The following SLC20A1 variants were observed in gnomAD, a reference collection of about 807,000 sequenced individuals.
SLC20A1 encodes the protein sodium-dependent phosphate transporter 1.
In SLC20A1, 28 loss-of-function variants were observed where a neutral mutation model predicts 62.7. The observed-to-expected ratio is 0.45, with a 90% confidence interval of 0.33 to 0.61. SLC20A1 has a LOEUF of 0.61. Among genes scored for constraint, SLC20A1 ranks in the 20% least tolerant of loss-of-function variants. SLC20A1 has a pLI of 0.02. For synonymous variants in SLC20A1, 305 were observed against 302.9 expected, an observed-to-expected ratio of 1.01 and a Z score of -0.07; for missense variants, 673 against 838.6, an observed-to-expected ratio of 0.80 and a Z score of 2.44.
At position 112,663,103 on chromosome 2, in the gene SLC20A1, T is replaced by C; in HGVS notation, c.*78T>C. On this transcript the variant is annotated 3_prime_UTR_variant, in exon 11 of 11. Coordinates refer to ENST00000272542, the MANE Select transcript of SLC20A1 (RefSeq NM_005415.5). ...CTGCTCCCCTGAAGAATGATTACAG[T>C]GTTAACAGAAGACTGACAAGAGTCT... The C allele has an allele frequency of 6.6e-7, 1 of 1,504,260 alleles. No homozygotes were observed. Among genetic ancestry groups the C allele is most frequent in the South Asian group, 1.1e-5 (1 of 88,164 alleles). 93.2% of individuals were successfully genotyped at this position (1,504,260 alleles called of 1,614,324 possible).
chr2:112,646,893 T>A lies in SLC20A1; in HGVS notation c.65T>A (p.Leu22Gln). ...GCTTCTGGTCCTTTGGTGGACTACC[T>A]ATGGATGCTCATCCTGGGCTTCATT... Reference protein sequence around the residue: ...TAASGPLVDYLWMLILGFIIA... With the variant: ...TAASGPLVDYQWMLILGFIIA... Residue 22 changes from leucine to glutamine, a missense_variant, in exon 2 of 11, where the codon CTA becomes CAA. By Grantham distance (113) the Leu-to-Gln change is moderately radical. Coordinates refer to ENST00000272542, the MANE Select transcript of SLC20A1 (RefSeq NM_005415.5). The A allele has an allele frequency of 6.2e-7, 1 of 1,613,852 alleles. No homozygotes were observed. The highest frequency in any genetic ancestry group is 1.7e-5 in the Admixed American group (1 of 60,008).
chr2:112,650,349 T>TC (rs1329625315), intron 4 of SLC20A1, among the ~76,000 whole-genome samples: 1 of 151,520 alleles, frequency 6.6e-6, no homozygotes, highest in African/African-American at 2.4e-5. Context: ...TTTTTTTTTT[T>TC]TGAGACGGAG....
At chr2:112,655,882 G>T (rs1038543245) in intron 5 of SLC20A1, among the ~76,000 whole-genome samples, 1 of 151,862 alleles carries the variant, frequency 6.6e-6, no homozygotes, top group South Asian at 2.1e-4. Context: ...TTAATTTTCA[G>T]TGGAGACGGG....
Position 112,647,699 on chromosome 2 carries a change from A to G in SLC20A1, c.522A>G (p.Gly174=), listed in dbSNP as rs1282046227. The G allele has an allele frequency of 1.2e-6, 2 of 1,614,016 alleles. No individual in the cohort carries two copies. The highest frequency in any genetic ancestry group is 2.2e-5 in the South Asian group (2 of 91,082). ...VSPLLSGIMS[G]ILFFLVRAFI... ...CACTGCTTTCTGGAATTATGTCTGGAATTTTATTCTTCCTGGTTCGTGCAT... is the reference window on the plus strand; with the variant it reads ...CACTGCTTTCTGGAATTATGTCTGGGATTTTATTCTTCCTGGTTCGTGCAT... The change falls in exon 4 of 11, where the codon GGA becomes GGG. Residue 174 remains glycine (G), a synonymous_variant. Coordinates refer to ENST00000272542, the MANE Select transcript of SLC20A1 (RefSeq NM_005415.5).
rs1686261094 is a variant in SLC20A1 at position 112,646,024 on chromosome 2, T to A, written c.-372T>A. On this transcript the variant is annotated 5_prime_UTR_variant, in exon 1 of 11. Coordinates refer to ENST00000272542, the MANE Select transcript of SLC20A1 (RefSeq NM_005415.5). Reference sequence around the variant, plus strand: ...GGCTGCTTCCTGGGAAGGTCGTGAGTCCCGCTGAGCTGTCCCCGGTGCCGC... The same window carrying A: ...GGCTGCTTCCTGGGAAGGTCGTGAGACCCGCTGAGCTGTCCCCGGTGCCGC... 1 of 150,952 alleles carries A rather than the reference T, an allele frequency of 6.6e-6. No homozygotes were observed. The highest frequency in any genetic ancestry group is 1.5e-5 in the Non-Finnish European group (1 of 68,082). The allele number at this position is 150,952 out of a possible 1,614,324, so 9.4% of individuals were successfully genotyped here.
chr2:112,658,098 T>C lies in SLC20A1; in HGVS notation c.779-727T>C, dbSNP rs556470540. Among the ~76,000 whole-genome samples, 12 of 152,276 alleles carry C rather than the reference T, an allele frequency of 7.9e-5. No individual in the cohort carries two copies. In the East Asian group the frequency reaches 2.3e-3, roughly 29 times the overall value. On this transcript the variant is annotated intron_variant, in intron 6 of 10. Coordinates refer to ENST00000272542, the MANE Select transcript of SLC20A1 (RefSeq NM_005415.5). ...TCTGTGCTAGTCTGGCTGTGCCGAG[T>C]GCACGGTGGGAACCAGGCTTTCAGG...
intron 5 of SLC20A1, among the ~76,000 whole-genome samples, chr2:112,656,690 GAC>G (rs553986794): frequency 6.6e-6 from 1 of 152,120 alleles, no homozygotes; most frequent in Non-Finnish European, 1.5e-5. Context: ...TGACTACTGA[GAC>G]ATCATTCTGT....
At chr2:112,656,357 C>T (rs561791032) in intron 5 of SLC20A1, among the ~76,000 whole-genome samples, 15 of 151,920 alleles carry the variant, frequency 9.9e-5, no homozygotes, top group African/African-American at 2.4e-4. Context: ...CCACCATGCC[C>T]GGCTAATTTT....
chr2:112,662,394 A>G (rs1574192416), intron 10 of SLC20A1, among the ~76,000 whole-genome samples: 1 of 152,318 alleles, frequency 6.6e-6, no homozygotes, highest in East Asian at 1.9e-4. Flanking sequence ...AGCCTGGCCA[A>G]CATAGTGAAA....
Position 112,647,346 on chromosome 2 carries a change from G to A in SLC20A1, c.357G>A (p.Val119=). 1 of 1,613,650 alleles carries A rather than the reference G, an allele frequency of 6.2e-7. No homozygotes were observed. The highest frequency in any genetic ancestry group is 8.5e-7 in the Non-Finnish European group (1 of 1,179,858). Residue 119 remains valine (V), a synonymous_variant, in exon 3 of 11, where the codon GTG becomes GTA. Coordinates refer to ENST00000272542, the MANE Select transcript of SLC20A1 (RefSeq NM_005415.5). ...AMFGSAVWQL[V]ASFLKLPISG... is the part of the protein sequence containing the mutation. ...CAGGTTCTGCTGTGTGGCAACTCGT[G>A]GCTTCGTTTTTGAAGCTCCCTATTT...
In SLC20A1 at chr2:112,647,447, C is replaced by T. The variant is rs1377269719; in HGVS notation, c.458C>T (p.Ser153Phe). 6.2e-7 allele frequency: 1 copy of T among 1,611,020 alleles called. No individual in the cohort carries two copies. The highest frequency in any genetic ancestry group is 1.3e-5 in the African/African-American group (1 of 74,600). The change falls in exon 3 of 11, where the codon TCT becomes TTT. Residue 153 changes from serine to phenylalanine, a missense_variant. Transcript: ENST00000272542. ...VAKGQEGVKW[S>F]ELIKIVMSWF... ...AAGGGGCAGGAGGGTGTCAAGTGGTCTGAACTGATAAAAATTGGTATGTTT... is the reference window on the plus strand; with the variant it reads ...AAGGGGCAGGAGGGTGTCAAGTGGTTTGAACTGATAAAAATTGGTATGTTT...
intron 2 of SLC20A1, 55 bp from the exon 3 acceptor site, chr2:112,647,269 C>T: frequency 1.9e-6 from 3 of 1,590,068 alleles, no homozygotes; most frequent in Non-Finnish European, 2.6e-6. Flanking sequence ...TCTGAATGTG[C>T]CACTTACATA....
intron 9 of SLC20A1, 69 bp from the exon 10 acceptor site, chr2:112,661,073 T>C: frequency 9.0e-7 from 1 of 1,105,420 alleles, no homozygotes; most frequent in African/African-American, 1.5e-5. Flanking sequence ...TGTGTTAACT[T>C]GAGGTGTAGT....
chr2:112,662,628 A>G (rs1233034549), intron 10 of SLC20A1, among the ~76,000 whole-genome samples: 6 of 152,222 alleles, frequency 3.9e-5, no homozygotes, highest in Admixed American at 3.9e-4. Context: ...TTTTAGCAGT[A>G]GCTGAGAAGG....
chr2:112,655,610 G>A (rs1367897535), intron 5 of SLC20A1, among the ~76,000 whole-genome samples: 2 of 151,488 alleles, frequency 1.3e-5, no homozygotes, highest in East Asian at 3.9e-4. Flanking sequence ...CCTGGGCTCA[G>A]GGTGTTCTCA....
Position 112,659,482 on chromosome 2 carries a change from G to A in SLC20A1, c.1327G>A (p.Glu443Lys), listed in dbSNP as rs752704524. The change falls in exon 8 of 11, where the codon GAA becomes AAA. Residue 443 changes from glutamate to lysine, a missense_variant. Coordinates refer to ENST00000272542, the MANE Select transcript of SLC20A1 (RefSeq NM_005415.5). ...FRAKEGEQKG[E>K]EMEKLTWPNA... ...TGCCAAAGAAGGTGAACAGAAGGGC[G>A]AAGAAATGGAGAAGCTGACATGGCC... 22 of 1,614,102 alleles carry A rather than the reference G, an allele frequency of 1.4e-5. No individual in the cohort carries two copies. The highest frequency in any genetic ancestry group is 2.7e-5 in the African/African-American group (2 of 74,924).
At chr2:112,648,271 C>T (rs917938845) in intron 4 of SLC20A1, among the ~76,000 whole-genome samples, 1 of 152,202 alleles carries the variant, frequency 6.6e-6, no homozygotes, top group African/African-American at 2.4e-5. Flanking sequence ...TTTTGGCCCG[C>T]CCCCCAAAAA....
At position 112,652,691 on chromosome 2, in the gene SLC20A1, A is replaced by G. The variant is rs1445175253; in HGVS notation, c.562-11A>G. 8.1e-6 allele frequency: 13 copies of G among 1,606,204 alleles called. No homozygotes were observed. The highest frequency in any genetic ancestry group is 1.1e-5 in the Non-Finnish European group (13 of 1,172,840). ...ACCTTTTAAGATATTGATCTTAATG[A>G]TGTTTTACAGGCAGATCCAGTTCCT... On this transcript the variant is annotated splice_polypyrimidine_tract_variant and intron_variant, in intron 4 of 10. Transcript: ENST00000272542.
intron 5 of SLC20A1, among the ~76,000 whole-genome samples, chr2:112,654,167 A>C (rs1686522743): frequency 1.3e-5 from 2 of 152,210 alleles, no homozygotes. Context: ...AGTATTTTTA[A>C]TCTTGCTAAT....
Sources: allele counts gnomAD v4.1 joint callset (sites outside exome capture counted in the v4.1 genomes callset), GRCh38; gene constraint gnomAD v4.1.1; transcripts MANE v1.5; gene names NCBI Gene and HGNC (gene_info 2026-07-23, HGNC 2026-07-21).